Variants in USP12 observed in about 807,000 individuals in gnomAD.
The protein encoded by USP12 is ubiquitin carboxyl-terminal hydrolase 12.
A neutral mutation model predicts 45.5 loss-of-function variants in USP12; 19 were observed. The ratio of observed to expected loss-of-function variants is 0.42; its 90% CI spans 0.29 to 0.61. The LOEUF (loss-of-function observed/expected upper bound fraction) is 0.61, where lower values mean the gene tolerates loss of function less well. Among genes scored for constraint, USP12 ranks in the 20% least tolerant of loss-of-function variants. The pLI is 0.22. For missense variants in USP12, 242 were observed against 447.7 expected (o/e 0.54, Z 4.15); for synonymous variants, 149 against 148.8 (o/e 1.00, Z -0.01).
rs1207401830 is a variant in USP12, at chr13:27,071,051, G to C, written c.1011+20C>G. ...ATATGCATACAACTTTCAAAAATAAGAAATTAAGAAACTACTTACTTCTAC... is the reference window on the plus strand; with the variant it reads ...ATATGCATACAACTTTCAAAAATAACAAATTAAGAAACTACTTACTTCTAC... On this transcript the variant is annotated intron_variant, in intron 8 of 8. Coordinates refer to ENST00000282344, the MANE Select transcript of USP12 (RefSeq NM_182488.4). 1.3e-6 allele frequency: 2 copies of C among 1,584,894 alleles called. No homozygotes were observed. Among genetic ancestry groups the C allele is most frequent in the Admixed American group, 3.7e-5 (2 of 53,672 alleles).
intron 3 of USP12, among the ~76,000 whole-genome samples, chr13:27,098,669 C>G (rs1404122317): frequency 6.6e-6 from 1 of 152,120 alleles, no homozygotes; most frequent in Non-Finnish European, 1.5e-5. Flanking sequence ...AATAATGCAA[C>G]CTAGTTCTCC....
chr13:27,153,771 C>T (rs1229968882), intron 1 of USP12, among the ~76,000 whole-genome samples: 1 of 152,112 alleles, frequency 6.6e-6, no homozygotes, highest in Non-Finnish European at 1.5e-5. Context: ...AGCCCATACA[C>T]CAATATTTAC....
chr13:27,159,033 ATTAC>A (rs1377001209), intron 1 of USP12, among the ~76,000 whole-genome samples: 1 of 152,214 alleles, frequency 6.6e-6, no homozygotes, highest in Non-Finnish European at 1.5e-5. Context: ...CTTTCTAGCA[ATTAC>A]TTCTTGGGAA....
intron 1 of USP12, among the ~76,000 whole-genome samples, chr13:27,152,933 C>T (rs137952162): frequency 0.026 from 2,897 of 111,526 alleles, 94 homozygotes; most frequent in African/African-American, 0.096. Flanking sequence ...CAGAGCGAGA[C>T]TCCGTCTCAA....
At chr13:27,120,099 A>G (rs1040147517) in intron 1 of USP12, among the ~76,000 whole-genome samples, 3 of 152,246 alleles carry the variant, frequency 2.0e-5, no homozygotes, top group Non-Finnish European at 1.5e-5. Flanking sequence ...ACCAACTGGA[A>G]AGTCAAAATT....
At chr13:27,074,511 A>C (rs970712299) in intron 7 of USP12, among the ~76,000 whole-genome samples, 1 of 152,198 alleles carries the variant, frequency 6.6e-6, no homozygotes, top group Non-Finnish European at 1.5e-5. Flanking sequence ...GTTTCCCAAA[A>C]CCAAGGGGAA....
At chr13:27,083,773 A>T (rs1873871435) in intron 6 of USP12, among the ~76,000 whole-genome samples, 1 of 152,174 alleles carries the variant, frequency 6.6e-6, no homozygotes, top group Non-Finnish European at 1.5e-5. Flanking sequence ...AATTCATTTG[A>T]TCATAAAATA....
In USP12 at chr13:27,171,665, TC is replaced by T; in HGVS notation, c.-27del. The T allele has an allele frequency of 8.3e-7, 1 of 1,203,006 alleles. No homozygotes were observed. 74.5% of individuals were successfully genotyped at this position (1,203,006 alleles called of 1,614,324 possible). On this transcript the variant is annotated 5_prime_UTR_variant, in exon 1 of 9. Transcript: ENST00000282344. ...CCGGCCAGCGCCATCTTCCACCCAA[TC>T]ACAGCGGCGGCGGCGGGCGGGGGAG...
chr13:27,093,404 T>C (rs932591043), intron 4 of USP12, among the ~76,000 whole-genome samples: 1 of 151,586 alleles, frequency 6.6e-6, no homozygotes, highest in Non-Finnish European at 1.5e-5. Context: ...TAAAGAGATA[T>C]AGATGATAAA....
Position 27,077,333 on chromosome 13 carries a change from A to T in USP12, c.735-1945T>A, listed in dbSNP as rs1243783891. On this transcript the variant is annotated intron_variant, in intron 6 of 8. Transcript: ENST00000282344. The stretch of plus-strand genomic sequence containing the variant: ...GATGCAAAAGAAGAATTTTCTGAGC[A>T]TAAAATGAGTGTCAGTGCACTATTA... 3 of 152,250 alleles carry T rather than the reference A, an allele frequency of 2.0e-5. No homozygotes were observed. In the East Asian group the frequency reaches 5.8e-4, roughly 29 times the overall value. 9.4% of individuals were successfully genotyped at this position (152,250 alleles called of 1,614,324 possible).
Position 27,068,030 on chromosome 13 carries a change from G to T in USP12, c.*1253C>A, listed in dbSNP as rs1032495769. On this transcript the variant is annotated 3_prime_UTR_variant, in exon 9 of 9. Coordinates refer to ENST00000282344, the MANE Select transcript of USP12 (RefSeq NM_182488.4). Reference sequence around the variant, plus strand: ...GTAAAGGTGGGGGGAAGGGAAGGAAGGACTTGTCTTTTGTATTCCCGGTCT... The same window carrying T: ...GTAAAGGTGGGGGGAAGGGAAGGAATGACTTGTCTTTTGTATTCCCGGTCT... 1 of 152,160 alleles carries T rather than the reference G, an allele frequency of 6.6e-6. No individual in the cohort carries two copies. Among genetic ancestry groups the T allele is most frequent in the South Asian group, 2.1e-4 (1 of 4,826 alleles). The allele number at this position is 152,160 out of a possible 1,614,324, so 9.4% of individuals were successfully genotyped here. A position where few individuals can be genotyped will look rare whatever the true frequency, so the allele number is the denominator to read the frequency against.
chr13:27,108,427 A>G (rs1727390160), intron 2 of USP12, among the ~76,000 whole-genome samples: 1 of 152,050 alleles, frequency 6.6e-6, no homozygotes, highest in Admixed American at 6.5e-5. Flanking sequence ...AGATATACCT[A>G]ATGCTAAATG....
intron 6 of USP12, among the ~76,000 whole-genome samples, chr13:27,076,081 G>C (rs1185837230): frequency 2.0e-5 from 3 of 149,470 alleles, no homozygotes; most frequent in Non-Finnish European, 4.4e-5. Context: ...TCTTGAAACT[G>C]ACAATTCCTT....
At position 27,129,095 on chromosome 13, in the gene USP12, C is replaced by T. The variant is rs139786196; in HGVS notation, c.49-12499G>A. ...TCAAATACTCGGAATATTCCATACACTTCAAATAAAAAAAAGTACTCATAT... is the reference window on the plus strand; with the variant it reads ...TCAAATACTCGGAATATTCCATACATTTCAAATAAAAAAAAGTACTCATAT... On this transcript the variant is annotated intron_variant, in intron 1 of 8. Coordinates refer to ENST00000282344, the MANE Select transcript of USP12 (RefSeq NM_182488.4). The surrounding 1 kb of genome is among the most constrained non-coding windows in gnomAD (Gnocchi z 4.0). Among the ~76,000 whole-genome samples the T allele has an allele frequency of 1.3e-3, 201 of 152,196 alleles. 3 individuals are homozygous for T. In the East Asian group the frequency reaches 0.032, roughly 24 times the overall value.
chr13:27,121,561 G>A (rs1034816264), intron 1 of USP12, among the ~76,000 whole-genome samples: 1 of 152,124 alleles, frequency 6.6e-6, no homozygotes, highest in Non-Finnish European at 1.5e-5. Context: ...ACAGCAGAAT[G>A]AAACTCAAGA....
intron 1 of USP12, among the ~76,000 whole-genome samples, chr13:27,155,898 A>C (rs1877816948): frequency 6.6e-6 from 1 of 152,236 alleles, no homozygotes; most frequent in South Asian, 2.1e-4. Context: ...CTGAAAATGT[A>C]AAAAGTTTAT....
intron 6 of USP12, among the ~76,000 whole-genome samples, chr13:27,080,528 A>G (rs1873702713): frequency 6.6e-6 from 1 of 152,148 alleles, no homozygotes; most frequent in African/African-American, 2.4e-5. Context: ...TAAGAACAGG[A>G]CTGGTCCCAG....
intron 1 of USP12, among the ~76,000 whole-genome samples, chr13:27,144,893 CTACCAAAAAA>C (rs1308889475): frequency 2.7e-5 from 4 of 150,220 alleles, no homozygotes; most frequent in African/African-American, 9.8e-5. Context: ...AATCCTGTCT[CTACCAAAAAA>C]AGAAAAAAAA....
chr13:27,137,481 T>C (rs142824608), intron 1 of USP12, among the ~76,000 whole-genome samples: 1 of 152,258 alleles, frequency 6.6e-6, no homozygotes, highest in African/African-American at 2.4e-5. Flanking sequence ...CCATCAAAAA[T>C]GAATTTTAAA....
Sources: gnomAD v4.1 joint callset for allele counts (sites outside exome capture counted in the v4.1 genomes callset) on GRCh38, gnomAD v4.1.1 for gene constraint, Gnocchi (gnomAD v3.1) non-coding constraint, MANE v1.5 for transcripts, NCBI Gene and HGNC (gene_info 2026-07-23, HGNC 2026-07-21) for gene names.